Variants in DNAH11 observed in about 807,000 individuals in gnomAD.
The protein encoded by DNAH11 is dynein axonemal heavy chain 11, also known as axonemal beta dynein heavy chain 11.
DNAH11 carries 442 observed loss-of-function variants against 526.0 expected under a neutral mutation model. That is an observed-to-expected ratio of 0.84 (90% CI 0.78 to 0.91). The LOEUF is 0.91. DNAH11 is among the 40% of genes least tolerant of loss of function. The probability of loss-of-function intolerance (pLI) is 0.00; values close to 1 mark genes in which losing one functional copy is unlikely to be tolerated. For synonymous variants in DNAH11, 2,461 were observed against 1,935.9 expected, an observed-to-expected ratio of 1.27 and a Z score of -7.12; for missense variants, 6,989 against 5,448.7, an observed-to-expected ratio of 1.28 and a Z score of -8.90.
At chr7:21,806,288 A>G (rs1348434312) in intron 62 of DNAH11, among the ~76,000 whole-genome samples, 1 of 152,206 alleles carries the variant, frequency 6.6e-6, no homozygotes, top group African/African-American at 2.4e-5. Flanking sequence ...TTTATCCTTT[A>G]CAAACCAAAA....
intron 43 of DNAH11, 59 bp downstream of exon 43, chr7:21,717,984 C>G: frequency 6.5e-7 from 1 of 1,542,774 alleles, no homozygotes; most frequent in Non-Finnish European, 8.7e-7. Flanking sequence ...GTTTGTTGAT[C>G]AAGACAACAG....
chr7:21,783,000 A>G (rs536934126), intron 57 of DNAH11, among the ~76,000 whole-genome samples: 6 of 114,744 alleles, frequency 5.2e-5, no homozygotes, highest in African/African-American at 1.9e-4. Flanking sequence ...CCTGATTCCA[A>G]TTTAAAATGA....
intron 66 of DNAH11, chr7:21,851,679 G>C (rs931606417): frequency 2.1e-6 from 1 of 470,792 alleles, no homozygotes; most frequent in African/African-American, 2.0e-5. Context: ...CGAAGACTGG[G>C]CCCCTCTGAA....
At chr7:21,780,646 T>C (rs187507198) in intron 57 of DNAH11, among the ~76,000 whole-genome samples, 2 of 152,320 alleles carry the variant, frequency 1.3e-5, no homozygotes, top group African/African-American at 4.8e-5. Flanking sequence ...GAAAGAAGTT[T>C]TAGCAAATTA....
chr7:21,630,624 C>T (rs1280685717), intron 25 of DNAH11, among the ~76,000 whole-genome samples: 1 of 152,160 alleles, frequency 6.6e-6, no homozygotes, highest in East Asian at 1.9e-4. Flanking sequence ...TTTGTTGTTA[C>T]ATTTAGCACT....
intron 2 of DNAH11, among the ~76,000 whole-genome samples, chr7:21,556,721 T>A (rs571888216): frequency 6.6e-6 from 1 of 152,156 alleles, no homozygotes; most frequent in Non-Finnish European, 1.5e-5. Context: ...TTCGTTTCTT[T>A]GTGCCCATGT....
intron 18 of DNAH11, 139 bp downstream of exon 18, chr7:21,601,757 G>T: frequency 1.7e-6 from 1 of 588,298 alleles, no homozygotes; most frequent in Non-Finnish European, 2.5e-6. Flanking sequence ...TACAGGTTAG[G>T]AATCTGATAC....
chr7:21,622,841 G>A (rs138524792), intron 25 of DNAH11, among the ~76,000 whole-genome samples: 58,634 of 151,840 alleles, frequency 0.39, 11,546 homozygotes, highest in East Asian at 0.52. Flanking sequence ...AGACTTAAAC[G>A]TTAGATCTAA....
At chr7:21,586,222 T>C (rs531886687) in intron 9 of DNAH11, among the ~76,000 whole-genome samples, 1 of 152,322 alleles carries the variant, frequency 6.6e-6, no homozygotes, top group East Asian at 1.9e-4. Flanking sequence ...CTGGTATTCT[T>C]TCCATTGTGG....
intron 9 of DNAH11, among the ~76,000 whole-genome samples, chr7:21,587,526 G>C (rs1583504809): frequency 6.6e-6 from 1 of 152,146 alleles, no homozygotes. Context: ...GGTTGTCCTT[G>C]TAACAGTCAC....
chr7:21,681,437 AG>A lies in DNAH11; in HGVS notation c.5329-108del, dbSNP rs770879377. On this transcript the variant is annotated intron_variant, in intron 30 of 81. Coordinates refer to ENST00000409508, the MANE Select transcript of DNAH11 (RefSeq NM_001277115.2). Reference sequence around the variant, plus strand: ...GTGAGACTCCATCTCAAAAAAAAAAAGAAATTGTTTTGCAAACTAAATCAGC... The same window carrying A: ...GTGAGACTCCATCTCAAAAAAAAAAAAAATTGTTTTGCAAACTAAATCAGC... The A allele has an allele frequency of 2.0e-4, 241 of 1,223,358 alleles. No homozygotes were observed. The South Asian group carries it at 3.4e-3, about 17-fold the overall frequency. 75.8% of individuals were successfully genotyped at this position (1,223,358 alleles called of 1,614,324 possible). A position where few individuals can be genotyped will look rare whatever the true frequency, so the allele number is the denominator to read the frequency against.
intron 28 of DNAH11, among the ~76,000 whole-genome samples, chr7:21,639,638 C>G (rs142915843): frequency 6.6e-6 from 1 of 152,268 alleles, no homozygotes; most frequent in Non-Finnish European, 1.5e-5. Context: ...CAGATACTAT[C>G]TTGTGTAATC....
intron 36 of DNAH11, among the ~76,000 whole-genome samples, chr7:21,699,190 CATTTATTGGTA>C (rs1783964789): frequency 2.0e-5 from 3 of 151,974 alleles, no homozygotes; most frequent in Admixed American, 2.0e-4. Flanking sequence ...AAATTATTCT[CATTTATTGGTA>C]ATTCTTTATT....
At chr7:21,829,311 C>T (rs1790447301) in intron 65 of DNAH11, among the ~76,000 whole-genome samples, 1 of 151,864 alleles carries the variant, frequency 6.6e-6, no homozygotes, top group Non-Finnish European at 1.5e-5. Context: ...GACAAAATGC[C>T]TCTGATGAAG....
At position 21,784,511 on chromosome 7, in the gene DNAH11, G is replaced by A; in HGVS notation, c.9568G>A (p.Ala3190Thr). The change falls in exon 58 of 82, where the codon GCT becomes ACT. Residue 3190 changes from alanine (A) to threonine (T), a missense_variant. Transcript: ENST00000409508. ...CAAGGCTGAGCCTGCACTGGTGGCT[G>A]CTACAGCTGCACTCAATACACTCAA... ...LLKAEPALVA[A>T]TAALNTLNRV... The A allele has an allele frequency of 6.2e-7, 1 of 1,612,604 alleles. No homozygotes were observed. The highest frequency in any genetic ancestry group is 8.5e-7 in the Non-Finnish European group (1 of 1,179,194).
At chr7:21,712,177 T>G (rs1022944909) in intron 42 of DNAH11, among the ~76,000 whole-genome samples, 2 of 152,238 alleles carry the variant, frequency 1.3e-5, no homozygotes, top group Non-Finnish European at 2.9e-5. Context: ...GCATAATGTC[T>G]TCAGAGTTTA....
At chr7:21,895,319 A>G (rs1369182773) in intron 79 of DNAH11, among the ~76,000 whole-genome samples, 1 of 152,212 alleles carries the variant, frequency 6.6e-6, no homozygotes, top group Non-Finnish European at 1.5e-5. Flanking sequence ...AGTTGTTGTT[A>G]AGAGTTGAAT....
intron 34 of DNAH11, among the ~76,000 whole-genome samples, chr7:21,688,268 G>A (rs980798688): frequency 5.3e-5 from 8 of 152,038 alleles, no homozygotes; most frequent in Non-Finnish European, 2.9e-5. Flanking sequence ...TATAAAATGG[G>A]GGAAAGAAGA....
At position 21,556,722 on chromosome 7, in the gene DNAH11, G is replaced by T. The variant is rs551555209; in HGVS notation, c.496-2080G>T. The stretch of plus-strand genomic sequence containing the variant: ...CACAGTGTCTGTTGTTCGTTTCTTT[G>T]TGCCCATGTGTACTCAATGTTTAGC... On this transcript the variant is annotated intron_variant, in intron 2 of 81. Coordinates refer to ENST00000409508, the MANE Select transcript of DNAH11 (RefSeq NM_001277115.2). Among the ~76,000 whole-genome samples, 7 of 152,176 alleles carry T rather than the reference G, an allele frequency of 4.6e-5. No individual in the cohort carries two copies. The East Asian group carries it at 1.2e-3, about 25-fold the overall frequency.
Sources: allele counts gnomAD v4.1 joint callset (sites outside exome capture counted in the v4.1 genomes callset), GRCh38; gene constraint gnomAD v4.1.1; transcripts MANE v1.5; gene names NCBI Gene and HGNC (gene_info 2026-07-23, HGNC 2026-07-21).